SH2D7: variants seen among roughly 807,000 people sequenced by gnomAD.
SH2D7 encodes the protein SH2 domain containing 7.
Under a neutral mutation model 40.8 loss-of-function variants are expected in SH2D7, and 32 were observed. That is an observed-to-expected ratio of 0.78 (90% CI 0.59 to 1.05). The LOEUF is 1.05. Ranked by LOEUF, SH2D7 falls within the 50% of genes least tolerant of loss-of-function variation. SH2D7 has a pLI of 0.00. For synonymous variants in SH2D7, 195 were observed against 221.5 expected (o/e 0.88, Z 1.06); for missense variants, 559 against 566.6 (o/e 0.99, Z 0.14).
At position 78,101,191 on chromosome 15, in the gene SH2D7, C is replaced by A. The variant is rs778159763; in HGVS notation, c.938C>A (p.Thr313Asn). ...SPDQGPTESP[T>N]SWGCSDAMGS... The stretch of plus-strand genomic sequence containing the variant: ...GACCAGGGTCCCACAGAGTCTCCCA[C>A]TTCCTGGGGATGTTCTGATGCCATG... Residue 313 changes from threonine (T) to asparagine (N), a missense_variant, in exon 5 of 6, where the codon ACT (threonine) becomes AAT (asparagine). By Grantham distance (65) the Thr-to-Asn change is moderately conservative. Coordinates refer to ENST00000328828, the MANE Select transcript of SH2D7 (RefSeq NM_001101404.2). The A allele has an allele frequency of 2.5e-6, 4 of 1,590,336 alleles. No individual in the cohort carries two copies. Among genetic ancestry groups the A allele is most frequent in the Non-Finnish European group, 3.4e-6 (4 of 1,170,282 alleles).
chr15:78,093,425 C>T (rs951677967), intron 1 of SH2D7, among the ~76,000 whole-genome samples: 3 of 152,212 alleles, frequency 2.0e-5, no homozygotes, highest in African/African-American at 7.2e-5. Context: ...TTTCATTTAG[C>T]ACCTGGTCCT....
In SH2D7 at chr15:78,103,916, CTA is replaced by C; in HGVS notation, c.*402_*403del. The C allele has an allele frequency of 5.9e-6, 1 of 169,174 alleles. No individual in the cohort carries two copies. The allele number at this position is 169,174 out of a possible 1,614,324, so 10.5% of individuals were successfully genotyped here. On this transcript the variant is annotated 3_prime_UTR_variant, in exon 6 of 6. Transcript: ENST00000328828. ...GCTGTGTGCTAGCACAGACACCTTTCTAACTGGCCAAGTGACATCATGCAATT... is the reference window on the plus strand; with the variant it reads ...GCTGTGTGCTAGCACAGACACCTTTCACTGGCCAAGTGACATCATGCAATT...
At position 78,098,092 on chromosome 15, in the gene SH2D7, C is replaced by G. The variant is rs747358486; in HGVS notation, c.430C>G (p.Arg144Gly). 2 of 1,605,016 alleles carry G rather than the reference C, an allele frequency of 1.2e-6. No individual in the cohort carries two copies. The highest frequency in any genetic ancestry group is 1.7e-6 in the Non-Finnish European group (2 of 1,175,254). The change falls in exon 3 of 6, where the codon CGG (arginine) becomes GGG (glycine). Residue 144 changes from arginine to glycine, a missense_variant and splice_region_variant. By Grantham distance (125) the Arg-to-Gly change is moderately radical (BLOSUM62 -2). Coordinates refer to ENST00000328828, the MANE Select transcript of SH2D7 (RefSeq NM_001101404.2). ...FKEMLTAACPRPEDNDLYDAI... is the reference protein window; with the variant it reads ...FKEMLTAACPGPEDNDLYDAI... ...AGAGATGCTGACTGCTGCCTGCCCC[C>G]GGGTAGGCGCCCCACTTCCCCAGGG...
intron 4 of SH2D7, among the ~76,000 whole-genome samples, chr15:78,100,654 G>A (rs762662847): frequency 6.6e-5 from 10 of 152,088 alleles, no homozygotes; most frequent in Non-Finnish European, 1.2e-4. Context: ...CTGAGATTGC[G>A]CCACTGCACT....
Position 78,098,573 on chromosome 15 carries a change from C to G in SH2D7, c.622C>G (p.Leu208Val), listed in dbSNP as rs1196334240. 1.9e-6 allele frequency: 3 copies of G among 1,613,870 alleles called. No homozygotes were observed. The change falls in exon 4 of 6, where the codon CTC becomes GTC. Residue 208 changes from leucine to valine, a missense_variant. By Grantham distance (32) the Leu-to-Val change is conservative (BLOSUM62 1). Transcript: ENST00000328828. Reference sequence around the variant, plus strand: ...AAGCCTGGATGTGAGTCCCCGGAACCTCTCCCAGGAGGAAAGCATGGAGGT... The same window carrying G: ...AAGCCTGGATGTGAGTCCCCGGAACGTCTCCCAGGAGGAAAGCATGGAGGT... ...QKSLDVSPRN[L>V]SQEESMEAPI...
At chr15:78,095,918 C>A (rs529398526) in intron 2 of SH2D7, among the ~76,000 whole-genome samples, 4 of 152,198 alleles carry the variant, frequency 2.6e-5, no homozygotes, top group Non-Finnish European at 4.4e-5. Context: ...TCTCTGCTCA[C>A]TGCCACCTTT....
At chr15:78,103,107 GTACA>G (rs1013403990) in intron 5 of SH2D7, among the ~76,000 whole-genome samples, 6 of 152,040 alleles carry the variant, frequency 3.9e-5, no homozygotes, top group Non-Finnish European at 8.8e-5. Flanking sequence ...GTGGGCCTGG[GTACA>G]GCTTCACCCC....
rs2073946451 is a variant in SH2D7, at chr15:78,092,610, GC to G, written c.28del (p.Leu10TrpfsTer22). On this transcript the variant is annotated frameshift_variant, in exon 1 of 6. Coordinates refer to ENST00000328828, the MANE Select transcript of SH2D7 (RefSeq NM_001101404.2). LOFTEE classifies it high-confidence loss of function. MEDSLKQL[S>X]LGRDPEGAGD... ...ATGGAGGACAGCCTAAAGCAGCTCA[GC>G]CTGGGGAGAGATCCTGAGGGGGCAG... 6.4e-7 allele frequency: 1 copy of G among 1,552,882 alleles called. No individual in the cohort carries two copies. Among genetic ancestry groups the G allele is most frequent in the South Asian group, 1.2e-5 (1 of 84,136 alleles).
upstream of SH2D7, among the ~76,000 whole-genome samples, chr15:78,090,665 A>G (rs2073935386): frequency 1.5e-5 from 2 of 133,162 alleles, no homozygotes; most frequent in South Asian, 2.4e-4. Context: ...ATCATCATCA[A>G]ATTAATAGCT....
At chr15:78,097,893 A>T (rs764760786) in intron 2 of SH2D7, 36 bp from the exon 3 acceptor site, 7 of 1,604,454 alleles carry the variant, frequency 4.4e-6, no homozygotes, top group Admixed American at 3.4e-5. Flanking sequence ...GCTGCCTGTG[A>T]CCAGCAGCCC....
At chr15:78,096,891 A>G (rs1448133233) in intron 2 of SH2D7, among the ~76,000 whole-genome samples, 1 of 152,190 alleles carries the variant, frequency 6.6e-6, no homozygotes, top group African/African-American at 2.4e-5. Flanking sequence ...TCCTTGGTAT[A>G]TTCACATCAG....
chr15:78,099,899 T>C (rs1304987004), intron 4 of SH2D7, among the ~76,000 whole-genome samples: 2 of 152,064 alleles, frequency 1.3e-5, no homozygotes, highest in Non-Finnish European at 2.9e-5. Context: ...ATCTGCATGG[T>C]TTACACTCTA....
At chr15:78,098,870 A>C (rs1010622716) in intron 4 of SH2D7, among the ~76,000 whole-genome samples, 1 of 152,186 alleles carries the variant, frequency 6.6e-6, no homozygotes, top group Non-Finnish European at 1.5e-5. Context: ...GCCTCAGTTT[A>C]CCATGCCTGA....
At chr15:78,101,701 G>T in intron 5 of SH2D7, 143 bp downstream of exon 5, 1 of 1,027,298 alleles carries the variant, frequency 9.7e-7, no homozygotes, top group Non-Finnish European at 1.4e-6. Context: ...CCTAATATCT[G>T]CCTAGAAGTG....
At chr15:78,103,148 T>G (rs956909056) in intron 5 of SH2D7, among the ~76,000 whole-genome samples, 9 of 152,152 alleles carry the variant, frequency 5.9e-5, no homozygotes, top group Non-Finnish European at 1.3e-4. Flanking sequence ...CAGTGCATCC[T>G]GAGGCCCCCA....
In SH2D7 at chr15:78,101,172, G is replaced by A; in HGVS notation, c.919G>A (p.Gly307Ser). 2.5e-6 allele frequency: 4 copies of A among 1,578,372 alleles called. No individual in the cohort carries two copies. Among genetic ancestry groups the A allele is most frequent in the Non-Finnish European group, 3.4e-6 (4 of 1,164,804 alleles). Residue 307 changes from glycine to serine, a missense_variant, in exon 5 of 6, where the codon GGT becomes AGT. Coordinates refer to ENST00000328828, the MANE Select transcript of SH2D7 (RefSeq NM_001101404.2). Reference sequence around the variant, plus strand: ...CCTTTCTGGGGTGAGCCCAGACCAGGGTCCCACAGAGTCTCCCACTTCCTG... The same window carrying A: ...CCTTTCTGGGGTGAGCCCAGACCAGAGTCCCACAGAGTCTCCCACTTCCTG... Reference protein sequence around the residue: ...PVLSGVSPDQGPTESPTSWGC... With the variant: ...PVLSGVSPDQSPTESPTSWGC...
intron 4 of SH2D7, 49 bp from the exon 5 acceptor site, chr15:78,100,850 C>A: frequency 6.3e-7 from 1 of 1,585,596 alleles, no homozygotes; most frequent in Non-Finnish European, 8.6e-7. Context: ...TGGAGGGCAT[C>A]TTAGTGATGG....
intron 4 of SH2D7, among the ~76,000 whole-genome samples, chr15:78,099,945 CAGAA>C (rs2074001706): frequency 6.6e-6 from 1 of 152,200 alleles, no homozygotes; most frequent in Non-Finnish European, 1.5e-5. Flanking sequence ...ATCACCTCCT[CAGAA>C]AGGCCCACCT....
At position 78,101,261 on chromosome 15, in the gene SH2D7, C is replaced by A. The variant is rs760265326; in HGVS notation, c.1008C>A (p.Ser336Arg). 6 of 1,609,076 alleles carry A rather than the reference C, an allele frequency of 3.7e-6. No individual in the cohort carries two copies. The highest frequency in any genetic ancestry group is 3.4e-5 in the Admixed American group (2 of 58,720). Reference protein sequence around the residue: ...ATWRQEFPKLSQEAQPCSQGS... With the variant: ...ATWRQEFPKLRQEAQPCSQGS... ...GGAGGCAGGAGTTTCCAAAGCTGAG[C>A]CAAGAGGCTCAGCCCTGCTCCCAGG... Residue 336 changes from serine (S) to arginine (R), a missense_variant, in exon 5 of 6, where the codon AGC (serine) becomes AGA (arginine). By Grantham distance (110) the Ser-to-Arg change is moderately radical. Transcript: ENST00000328828.
Sources: allele counts gnomAD v4.1 joint callset (sites outside exome capture counted in the v4.1 genomes callset), GRCh38; gene constraint gnomAD v4.1.1; transcripts MANE v1.5; gene names NCBI Gene and HGNC (gene_info 2026-07-23, HGNC 2026-07-21).